Variants in SCHIP1 observed in about 807,000 individuals in gnomAD.
SCHIP1 encodes the protein schwannomin interacting protein 1.
A neutral mutation model predicts 29.7 loss-of-function variants in SCHIP1; 8 were observed. The ratio of observed to expected loss-of-function variants is 0.27; its 90% CI spans 0.16 to 0.49. The LOEUF (loss-of-function observed/expected upper bound fraction) is 0.49. SCHIP1 is among the 20% of genes least tolerant of loss of function. The pLI is 0.99. For synonymous variants in SCHIP1, 76 were observed against 94.9 expected (o/e 0.80, Z 1.16); for missense variants, 193 against 294.6 (o/e 0.66, Z 2.52).
chr3:159,669,152 G>C, the SCHIP1 span, among the ~76,000 whole-genome samples: 1 of 152,162 alleles, frequency 6.6e-6, no homozygotes, highest in Non-Finnish European at 1.5e-5. Flanking sequence ...TTCTGGAAAA[G>C]GATATTAATA....
chr3:159,596,881 G>A, the SCHIP1 span, among the ~76,000 whole-genome samples: 1 of 150,678 alleles, frequency 6.6e-6, no homozygotes, highest in African/African-American at 2.5e-5. Context: ...ACACCAACAT[G>A]GCACATGTAT....
At chr3:159,546,483 C>T in the SCHIP1 span, among the ~76,000 whole-genome samples, 1 of 151,928 alleles carries the variant, frequency 6.6e-6, no homozygotes, top group East Asian at 1.9e-4. Flanking sequence ...ATACATGTGC[C>T]ATGGTGGTTT....
the SCHIP1 span, among the ~76,000 whole-genome samples, chr3:159,396,571 C>T: frequency 6.7e-6 from 1 of 149,904 alleles, no homozygotes; most frequent in Non-Finnish European, 1.5e-5. Context: ...ATTTCTCCTT[C>T]ACTTATAAAG....
At chr3:159,552,305 T>C in the SCHIP1 span, among the ~76,000 whole-genome samples, 1 of 152,088 alleles carries the variant, frequency 6.6e-6, no homozygotes, top group East Asian at 1.9e-4. Flanking sequence ...CTCAGCCTCC[T>C]GAAGTGCTGG....
chr3:159,840,282 G>T, intron 1 of SCHIP1: 1 of 1,361,150 alleles, frequency 7.3e-7, no homozygotes, highest in Non-Finnish European at 1.0e-6. Context: ...TTCCAAAGCA[G>T]CAGGTTGCCT....
intron 2 of SCHIP1, among the ~76,000 whole-genome samples, chr3:159,880,281 C>T (rs1207542403): frequency 1.3e-5 from 2 of 152,176 alleles, no homozygotes; most frequent in African/African-American, 4.8e-5. Context: ...ATTTATTCCG[C>T]CCAACCTCAG....
At chr3:159,868,245 T>C (rs1438240118) in intron 2 of SCHIP1, among the ~76,000 whole-genome samples, 1 of 151,740 alleles carries the variant, frequency 6.6e-6, no homozygotes, top group Admixed American at 6.6e-5. Context: ...TATATTATCC[T>C]TGTGCCACTC....
chr3:159,532,102 T>G, the SCHIP1 span, among the ~76,000 whole-genome samples: 1 of 152,196 alleles, frequency 6.6e-6, no homozygotes, highest in South Asian at 2.1e-4. Flanking sequence ...CTTTGGGGAT[T>G]GTTGCATATC....
the SCHIP1 span, among the ~76,000 whole-genome samples, chr3:159,828,408 CGTATATATACGT>C: frequency 9.1e-5 from 3 of 32,936 alleles, no homozygotes; most frequent in African/African-American, 6.3e-4. Flanking sequence ...TATATATATA[CGTATATATACGT>C]ATATATATAC....
chr3:159,273,928 T>A, the SCHIP1 span: 1 of 1,606,908 alleles, frequency 6.2e-7, no homozygotes, highest in Middle Eastern at 1.7e-4. Context: ...TGTATCATAT[T>A]TTTACAAATG....
the SCHIP1 span, among the ~76,000 whole-genome samples, chr3:159,694,149 C>T: frequency 2.0e-5 from 3 of 152,152 alleles, no homozygotes; most frequent in African/African-American, 7.2e-5. Flanking sequence ...AAAGCCCTAT[C>T]TGGGCTTTCA....
At chr3:159,512,052 TG>T in the SCHIP1 span, among the ~76,000 whole-genome samples, 190 of 152,040 alleles carry the variant, frequency 1.2e-3, no homozygotes, top group Admixed American at 3.3e-3. Context: ...AAGATGAAAA[TG>T]TAAGCAACAT....
the SCHIP1 span, among the ~76,000 whole-genome samples, chr3:159,343,497 A>C: frequency 6.6e-6 from 1 of 152,192 alleles, no homozygotes; most frequent in Non-Finnish European, 1.5e-5. Context: ...CATCTGCTCT[A>C]TGTGTCACCA....
chr3:159,337,845 T>G, the SCHIP1 span, among the ~76,000 whole-genome samples: 1 of 152,222 alleles, frequency 6.6e-6, no homozygotes, highest in South Asian at 2.1e-4. Context: ...ATCATTATCT[T>G]CTTCGTCTGA....
At chr3:159,331,175 T>TG in the SCHIP1 span, among the ~76,000 whole-genome samples, 1 of 152,050 alleles carries the variant, frequency 6.6e-6, no homozygotes, top group Non-Finnish European at 1.5e-5. Context: ...AGATTTCCAC[T>TG]GGGGGGCCAC....
At chr3:159,293,335 T>A in the SCHIP1 span, among the ~76,000 whole-genome samples, 7 of 152,268 alleles carry the variant, frequency 4.6e-5, no homozygotes, top group East Asian at 1.4e-3. Context: ...AGGGAAAACA[T>A]CTATTTTCAA....
the SCHIP1 span, among the ~76,000 whole-genome samples, chr3:159,522,313 T>C: frequency 2.6e-5 from 4 of 152,174 alleles, no homozygotes; most frequent in African/African-American, 9.7e-5. Context: ...GTTAAACATA[T>C]CAAGAGGATT....
At chr3:159,759,973 T>A in the SCHIP1 span, among the ~76,000 whole-genome samples, 2 of 151,968 alleles carry the variant, frequency 1.3e-5, no homozygotes, top group Non-Finnish European at 2.9e-5. Flanking sequence ...CTGAGGAACA[T>A]GATCTTCTTA....
At chr3:159,858,831 C>T (rs1453558742) in intron 1 of SCHIP1, among the ~76,000 whole-genome samples, 1 of 152,190 alleles carries the variant, frequency 6.6e-6, no homozygotes, top group Non-Finnish European at 1.5e-5. Flanking sequence ...AAAGGCCTTA[C>T]TGTTGCCCAG....
Sources: allele counts gnomAD v4.1 joint callset (sites outside exome capture counted in the v4.1 genomes callset), GRCh38; gene constraint gnomAD v4.1.1; transcripts MANE v1.5; gene names NCBI Gene and HGNC (gene_info 2026-07-23, HGNC 2026-07-21).